The following NDUFAF6 variants were observed in gnomAD, a reference collection of about 807,000 sequenced individuals.
NDUFAF6 encodes the protein NADH:ubiquinone oxidoreductase complex assembly factor 6, also known as NADH dehydrogenase (ubiquinone) complex I, assembly factor 6.
Under a neutral mutation model 40.8 loss-of-function variants are expected in NDUFAF6, and 45 were observed. That is an observed-to-expected ratio of 1.10 (90% confidence interval 0.87 to 1.42). The LOEUF is 1.42. Ranked by LOEUF, NDUFAF6 falls within the 40% of genes most tolerant of loss-of-function variation. NDUFAF6 has a pLI of 0.00. For missense variants in NDUFAF6, 435 were observed against 418.5 expected, an observed-to-expected ratio of 1.04 and a Z score of -0.34; for synonymous variants, 185 against 155.9, an observed-to-expected ratio of 1.19 and a Z score of -1.39.
chr8:94,915,098 G>A (rs1040547393), intron 1 of NDUFAF6, among the ~76,000 whole-genome samples: 2 of 151,780 alleles, frequency 1.3e-5, no homozygotes, highest in African/African-American at 4.8e-5. Context: ...GGAGTCCCCA[G>A]TGTCTGTTGT....
chr8:94,974,198 G>A (rs1255848086), intron 1 of NDUFAF6, among the ~76,000 whole-genome samples: 1 of 150,866 alleles, frequency 6.6e-6, no homozygotes, highest in African/African-American at 2.4e-5. Context: ...TTTGCAGCAG[G>A]TGTCTACTTA....
intron 1 of NDUFAF6, among the ~76,000 whole-genome samples, chr8:94,935,317 A>G (rs1224561784): frequency 6.6e-6 from 1 of 152,222 alleles, no homozygotes; most frequent in Non-Finnish European, 1.5e-5. Flanking sequence ...ATACTTTAAC[A>G]GGAAACATTC....
upstream of NDUFAF6, among the ~76,000 whole-genome samples, chr8:95,022,264 G>A (rs1407307760): frequency 2.0e-5 from 3 of 151,814 alleles, no homozygotes; most frequent in Admixed American, 2.0e-4. Flanking sequence ...TCGAATGGCT[G>A]ATCCTAAAAG....
chr8:95,093,996 C>T (rs1587267750), intron 2 of NDUFAF6, among the ~76,000 whole-genome samples: 10 of 151,888 alleles, frequency 6.6e-5, no homozygotes, highest in Admixed American at 5.9e-4. Flanking sequence ...TTTGAGACAG[C>T]GTCTCACTCT....
chr8:95,015,407 T>C (rs1827400144), intron 2 of NDUFAF6, among the ~76,000 whole-genome samples: 1 of 152,250 alleles, frequency 6.6e-6, no homozygotes, highest in African/African-American at 2.4e-5. Context: ...TCTGGCTTCA[T>C]GGAACAAAAT....
At chr8:94,981,269 C>T (rs541740200) in intron 2 of NDUFAF6, among the ~76,000 whole-genome samples, 19 of 152,268 alleles carry the variant, frequency 1.2e-4, no homozygotes, top group South Asian at 6.2e-4. Flanking sequence ...TTTGCTTGCC[C>T]GTCCACTTTT....
upstream of NDUFAF6, among the ~76,000 whole-genome samples, chr8:95,024,425 C>T (rs1396457999): frequency 6.6e-6 from 1 of 152,242 alleles, no homozygotes; most frequent in Non-Finnish European, 1.5e-5. Flanking sequence ...TACTGTGTGG[C>T]TTCTCTGAGA....
intron 2 of NDUFAF6, among the ~76,000 whole-genome samples, chr8:95,093,010 G>T (rs1809314796): frequency 6.6e-6 from 1 of 152,164 alleles, no homozygotes. Flanking sequence ...CTAAGAATCT[G>T]AATTATAGAA....
chr8:95,043,418 C>T (rs1174726289), intron 4 of NDUFAF6, among the ~76,000 whole-genome samples: 1 of 151,172 alleles, frequency 6.6e-6, no homozygotes, highest in African/African-American at 2.4e-5. Flanking sequence ...ATACCAAAGG[C>T]ACAAGCAAGA....
At chr8:95,098,306 G>T (rs1809534492), upstream of NDUFAF6, among the ~76,000 whole-genome samples, 1 of 152,194 alleles carries the variant, frequency 6.6e-6, no homozygotes, top group South Asian at 2.1e-4. Flanking sequence ...GCCGAGGTGG[G>T]TGGATCACCT....
Position 94,897,725 on chromosome 8 carries a change from A to G in NDUFAF6, c.-936+1798A>G, listed in dbSNP as rs1256401939. Reference sequence around the variant, plus strand: ...CTGTGCCTTTTTTTTTTTTTTTTGTATATCTCCTCTGTCGAAGCTTCACAG... The same window carrying G: ...CTGTGCCTTTTTTTTTTTTTTTTGTGTATCTCCTCTGTCGAAGCTTCACAG... On this transcript the variant is annotated intron_variant, in intron 1 of 14. Transcript: ENST00000396113. 4.0e-4 allele frequency among the ~76,000 whole-genome samples: 19 copies of G among 47,362 alleles called. 1 individual carries two copies. In the South Asian group the frequency reaches 6.8e-3, roughly 17 times the overall value. 31.1% of individuals were successfully genotyped at this position (47,362 alleles called of 152,430 possible). A position where few individuals can be genotyped will look rare whatever the true frequency, so the allele number is the denominator to read the frequency against.
rs1012076352 is a variant in NDUFAF6, at chr8:95,109,609, G to T, written n.345-5927G>T. The stretch of plus-strand genomic sequence containing the variant: ...AGATAGAGAGAGAGAGAGAGAGAGA[G>T]AGAGAGAGAGACCTTCATGATGAAC... On this transcript the variant is annotated intron_variant and non_coding_transcript_variant, in intron 4 of 5. Transcript: ENST00000523184. Among the ~76,000 whole-genome samples the T allele has an allele frequency of 5.4e-5, 5 of 92,186 alleles. No homozygotes were observed. In the East Asian group the frequency reaches 9.7e-4, roughly 18 times the overall value. The allele number at this position is 92,186 out of a possible 152,430, so 60.5% of individuals were successfully genotyped here.
chr8:94,901,359 G>T (rs892432026), intron 1 of NDUFAF6, among the ~76,000 whole-genome samples: 2 of 152,028 alleles, frequency 1.3e-5, no homozygotes, highest in Admixed American at 1.3e-4. Flanking sequence ...CAGGGAAGGG[G>T]TTAGTTTGTG....
At chr8:94,940,907 T>G (rs1441636948) in intron 1 of NDUFAF6, 3 of 1,613,846 alleles carry the variant, frequency 1.9e-6, no homozygotes, top group Non-Finnish European at 2.5e-6. Flanking sequence ...AGAACTGACT[T>G]CACCCACAAA....
chr8:95,049,272 T>C (rs1416417103), intron 7 of NDUFAF6, among the ~76,000 whole-genome samples: 2 of 152,220 alleles, frequency 1.3e-5, no homozygotes, highest in African/African-American at 2.4e-5. Context: ...TTTTCTTCCA[T>C]TGATTCTCTG....
intron 2 of NDUFAF6, among the ~76,000 whole-genome samples, chr8:94,991,261 A>G (rs939288622): frequency 3.3e-5 from 5 of 152,250 alleles, no homozygotes; most frequent in Non-Finnish European, 5.9e-5. Flanking sequence ...CTGATTTGAT[A>G]AACATCTTAA....
In NDUFAF6 at chr8:95,035,443, CCT is replaced by C; in HGVS notation, c.298-10_298-9del. 1 of 1,612,664 alleles carries C rather than the reference CCT, an allele frequency of 6.2e-7. No individual in the cohort carries two copies. The highest frequency in any genetic ancestry group is 8.5e-7 in the Non-Finnish European group (1 of 1,179,334). On this transcript the variant is annotated splice_polypyrimidine_tract_variant and intron_variant, in intron 2 of 8. Coordinates refer to ENST00000396124, the MANE Select transcript of NDUFAF6 (RefSeq NM_152416.4). The stretch of plus-strand genomic sequence containing the variant: ...AATGCATTTGCTAAAGTTTTTAAAC[CCT>C]GTTTATAGGTTAAAGACTCAGTCTC...
rs1224559509 is a variant in NDUFAF6, at chr8:95,058,015, A to G, written c.*78A>G. The G allele has an allele frequency of 1.3e-6, 2 of 1,520,000 alleles. No individual in the cohort carries two copies. Among genetic ancestry groups the G allele is most frequent in the Non-Finnish European group, 1.8e-6 (2 of 1,127,198 alleles). 94.2% of individuals were successfully genotyped at this position (1,520,000 alleles called of 1,614,324 possible). ...AGGATTCTTATTTAGGAACAACAGG[A>G]AATGACTGTTAAGGAGAAAATGAAT... On this transcript the variant is annotated 3_prime_UTR_variant, in exon 9 of 9. Coordinates refer to ENST00000396124, the MANE Select transcript of NDUFAF6 (RefSeq NM_152416.4).
At chr8:94,980,839 C>T (rs1825386358) in intron 1 of NDUFAF6, 3 of 434,586 alleles carry the variant, frequency 6.9e-6, no homozygotes, top group African/African-American at 4.1e-5. Context: ...ATCAAGACTA[C>T]CTTGTATTTG....
Sources: allele counts gnomAD v4.1 joint callset (sites outside exome capture counted in the v4.1 genomes callset), GRCh38; gene constraint gnomAD v4.1.1; transcripts MANE v1.5; gene names NCBI Gene and HGNC (gene_info 2026-07-23, HGNC 2026-07-21).